Variants in CNTN5 observed in about 807,000 individuals in gnomAD.
CNTN5 encodes contactin 5.
Under a neutral mutation model 129.1 loss-of-function variants are expected in CNTN5, and 77 were observed. That is an observed-to-expected ratio of 0.60 (90% CI 0.50 to 0.72). CNTN5 has a LOEUF of 0.72. Ranked by LOEUF, CNTN5 falls within the 30% of genes least tolerant of loss-of-function variation. The pLI is 0.00. For synonymous variants in CNTN5, 509 were observed against 465.6 expected (o/e 1.09, Z -1.20); for missense variants, 1,478 against 1,328.8 (o/e 1.11, Z -1.75).
intron 2 of CNTN5, among the ~76,000 whole-genome samples, chr11:99,352,096 T>C (rs1938337174): frequency 1.3e-5 from 2 of 152,182 alleles, no homozygotes; most frequent in African/African-American, 4.8e-5. Context: ...TGAATGAAAC[T>C]AGAAAGTTTC....
chr11:100,239,692 G>A (rs1167978758), intron 16 of CNTN5, among the ~76,000 whole-genome samples: 10 of 152,014 alleles, frequency 6.6e-5, no homozygotes, highest in South Asian at 2.1e-4. Flanking sequence ...CAATAAAACC[G>A]AATAGTGTGA....
intron 13 of CNTN5, among the ~76,000 whole-genome samples, chr11:100,124,754 T>A (rs1200587971): frequency 6.6e-6 from 1 of 152,050 alleles, no homozygotes; most frequent in South Asian, 2.1e-4. Context: ...TGGGGTCTTG[T>A]AGAGAAACTC....
chr11:99,885,455 G>T (rs916051862), intron 6 of CNTN5, among the ~76,000 whole-genome samples: 4 of 152,116 alleles, frequency 2.6e-5, no homozygotes, highest in African/African-American at 7.2e-5. Context: ...TGTCAACTTA[G>T]AATTGTGTCT....
At chr11:99,812,784 A>G (rs1204407441) in intron 3 of CNTN5, among the ~76,000 whole-genome samples, 3 of 152,138 alleles carry the variant, frequency 2.0e-5, no homozygotes, top group East Asian at 1.9e-4. Flanking sequence ...AGGAGGATAT[A>G]TGCATCGTAG....
intron 2 of CNTN5, among the ~76,000 whole-genome samples, chr11:99,422,510 TTATATTTTTATATATA>T (rs1367970806): frequency 4.2e-4 from 26 of 61,182 alleles, no homozygotes; most frequent in East Asian, 3.1e-3. Flanking sequence ...TCATGTTACT[TTATATTTTTATATATA>T]TATATATATA....
At chr11:99,702,441 C>T (rs766889784) in intron 3 of CNTN5, among the ~76,000 whole-genome samples, 2 of 150,866 alleles carry the variant, frequency 1.3e-5, no homozygotes, top group African/African-American at 2.4e-5. Flanking sequence ...TAAAGTACTT[C>T]AGTGGATAAT....
intron 2 of CNTN5, among the ~76,000 whole-genome samples, chr11:99,429,165 A>C (rs1280945271): frequency 6.6e-6 from 1 of 152,116 alleles, no homozygotes; most frequent in Non-Finnish European, 1.5e-5. Flanking sequence ...TTTATTAAAG[A>C]TTTGCTTAAG....
chr11:99,816,746 T>C (rs1946600262), intron 3 of CNTN5, among the ~76,000 whole-genome samples: 1 of 152,190 alleles, frequency 6.6e-6, no homozygotes, highest in South Asian at 2.1e-4. Flanking sequence ...CAGTTTAACA[T>C]GACATGCTAG....
In CNTN5 at chr11:99,709,734, A is replaced by C. The variant is rs563010510; in HGVS notation, c.56-109810A>C. Among the ~76,000 whole-genome samples the C allele has an allele frequency of 1.3e-3, 193 of 151,954 alleles. 1 individual carries two copies. Among genetic ancestry groups the C allele is most frequent in the African/African-American group, 4.5e-3 (186 of 41,504 alleles). The stretch of plus-strand genomic sequence containing the variant: ...TTTAATAGAAGTTTGAAAAGGATTC[A>C]TTAAGGTATATAATAAGTTATTTGA... On this transcript the variant is annotated intron_variant, in intron 3 of 24. Coordinates refer to ENST00000524871, the MANE Select transcript of CNTN5 (RefSeq NM_014361.4).
intron 1 of CNTN5, among the ~76,000 whole-genome samples, chr11:99,264,888 G>T (rs1279781354): frequency 2.0e-5 from 3 of 151,898 alleles, no homozygotes. Flanking sequence ...GACAGGATAG[G>T]TAATATTGCT....
chr11:99,654,268 A>T (rs1363572672), intron 3 of CNTN5, among the ~76,000 whole-genome samples: 1 of 152,110 alleles, frequency 6.6e-6, no homozygotes, highest in Non-Finnish European at 1.5e-5. Flanking sequence ...TGGAGCTAAA[A>T]TATATGGTAG....
At chr11:99,483,688 G>GC (rs983759192) in intron 2 of CNTN5, among the ~76,000 whole-genome samples, 9 of 151,102 alleles carry the variant, frequency 6.0e-5, no homozygotes, top group Non-Finnish European at 8.9e-5. Flanking sequence ...TTGTGGGGTT[G>GC]CGGGGGTGTG....
chr11:99,595,400 C>G (rs980237646), intron 3 of CNTN5, among the ~76,000 whole-genome samples: 4 of 151,924 alleles, frequency 2.6e-5, no homozygotes, highest in African/African-American at 9.7e-5. Context: ...TTCCTTAGTA[C>G]CAATGATTTC....
intron 6 of CNTN5, among the ~76,000 whole-genome samples, chr11:99,881,450 G>A (rs1018512531): frequency 1.1e-4 from 16 of 152,296 alleles, no homozygotes; most frequent in Admixed American, 9.2e-4. Flanking sequence ...TACATTTCCT[G>A]AGAAAAGTCA....
intron 1 of CNTN5, among the ~76,000 whole-genome samples, chr11:99,109,352 G>A (rs962403996): frequency 4.6e-5 from 7 of 151,916 alleles, no homozygotes; most frequent in African/African-American, 1.2e-4. Context: ...AGAACTCCTC[G>A]CAGTTTATAC....
intron 3 of CNTN5, among the ~76,000 whole-genome samples, chr11:99,779,877 C>T (rs542262462): frequency 6.6e-6 from 1 of 151,972 alleles, no homozygotes; most frequent in Admixed American, 6.6e-5. Flanking sequence ...TGATCTGCTC[C>T]CTTCAATTGC....
chr11:99,623,542 A>G (rs1332272631), intron 3 of CNTN5, among the ~76,000 whole-genome samples: 1 of 152,134 alleles, frequency 6.6e-6, no homozygotes, highest in Non-Finnish European at 1.5e-5. Context: ...TTTGACTTAC[A>G]TAACCTCTCC....
intron 1 of CNTN5, among the ~76,000 whole-genome samples, chr11:99,236,562 A>G (rs1245570706): frequency 6.6e-6 from 1 of 152,032 alleles, no homozygotes; most frequent in Non-Finnish European, 1.5e-5. Context: ...CTAAATTTAT[A>G]ATCTAAGAAA....
chr11:99,834,374 T>A (rs981176358), intron 4 of CNTN5, among the ~76,000 whole-genome samples: 75 of 152,246 alleles, frequency 4.9e-4, no homozygotes, highest in African/African-American at 1.8e-3. Context: ...TTAAATATTG[T>A]TTTAGGCTGG....
Sources: gnomAD v4.1 joint callset for allele counts (sites outside exome capture counted in the v4.1 genomes callset) on GRCh38, gnomAD v4.1.1 for gene constraint, MANE v1.5 for transcripts, NCBI Gene and HGNC (gene_info 2026-07-23, HGNC 2026-07-21) for gene names.